The following TUSC3 variants were observed in gnomAD, a reference collection of about 807,000 sequenced individuals.
The protein encoded by TUSC3 is tumor suppressor candidate 3, also known as dolichyl-diphosphooligosaccharide--protein glycosyltransferase subunit TUSC3.
In TUSC3, 45 loss-of-function variants were observed where a neutral mutation model predicts 44.8. The observed-to-expected ratio is 1.00, with a 90% CI of 0.79 to 1.29. The LOEUF is 1.29. Among genes scored for constraint, TUSC3 ranks in the 50% most tolerant of loss-of-function variants. TUSC3 has a pLI of 0.00. For synonymous variants in TUSC3, 212 were observed against 152.9 expected (o/e 1.39, Z -2.85); for missense variants, 519 against 437.9 (o/e 1.19, Z -1.65).
intron 1 of TUSC3, among the ~76,000 whole-genome samples, chr8:15,444,938 T>C (rs563312641): frequency 2.6e-5 from 4 of 152,314 alleles, no homozygotes; most frequent in African/African-American, 9.6e-5. Context: ...GCTGGTGCTG[T>C]GCACTCTACG....
chr8:15,785,625 C>T, the TUSC3 span, among the ~76,000 whole-genome samples: 1 of 152,088 alleles, frequency 6.6e-6, no homozygotes. Context: ...ACTGCAACAC[C>T]TCTCCACTCC....
chr8:15,810,364 A>T, the TUSC3 span, among the ~76,000 whole-genome samples: 25,918 of 152,106 alleles, frequency 0.17, 2,372 homozygotes, highest in Middle Eastern at 0.26. Flanking sequence ...AAGGCCAGGA[A>T]TGGTGGCGTA....
At chr8:15,521,889 G>GTCACT in intron 2 of TUSC3, among the ~76,000 whole-genome samples, 1 of 152,286 alleles carries the variant, frequency 6.6e-6, no homozygotes, top group South Asian at 2.1e-4. Context: ...CTAGCTATTA[G>GTCACT]GTTGGTGCAA....
chr8:15,658,687 T>G (rs1585201478), intron 3 of TUSC3, among the ~76,000 whole-genome samples: 1 of 151,094 alleles, frequency 6.6e-6, no homozygotes, highest in African/African-American at 2.4e-5. Context: ...ACATACAATA[T>G]ATATACACAT....
At chr8:15,629,692 A>G (rs1262501197) in intron 2 of TUSC3, among the ~76,000 whole-genome samples, 1 of 151,558 alleles carries the variant, frequency 6.6e-6, no homozygotes, top group Non-Finnish European at 1.5e-5. Flanking sequence ...GAATTTAAAA[A>G]TCGTAGTACT....
At chr8:15,836,796 G>C in the TUSC3 span, among the ~76,000 whole-genome samples, 1 of 151,950 alleles carries the variant, frequency 6.6e-6, no homozygotes, top group Non-Finnish European at 1.5e-5. Context: ...TAAATGATAT[G>C]CTTTTAATTT....
At chr8:15,497,634 T>C (rs1284970595) in intron 2 of TUSC3, among the ~76,000 whole-genome samples, 1 of 152,206 alleles carries the variant, frequency 6.6e-6, no homozygotes, top group Non-Finnish European at 1.5e-5. Flanking sequence ...AATTATGTTG[T>C]GGAGTTTTGC....
chr8:15,801,727 T>C, the TUSC3 span, among the ~76,000 whole-genome samples: 1 of 152,154 alleles, frequency 6.6e-6, no homozygotes, highest in Non-Finnish European at 1.5e-5. Flanking sequence ...AACGTACCCT[T>C]GCTGGGCTCA....
the TUSC3 span, among the ~76,000 whole-genome samples, chr8:15,833,744 C>T: frequency 2.6e-3 from 395 of 152,026 alleles, 4 homozygotes; most frequent in African/African-American, 9.0e-3. Context: ...GGGTACTAGG[C>T]TTAATACCCG....
Position 15,567,737 on chromosome 8 carries a change from G to A in TUSC3, c.138+27169G>A, listed in dbSNP as rs192884214. Among the ~76,000 whole-genome samples the A allele has an allele frequency of 3.6e-3, 549 of 152,302 alleles. 4 individuals are homozygous for A. The highest frequency in any genetic ancestry group is 6.0e-3 in the Non-Finnish European group (407 of 68,022). ...TACATAGGGACAACTTTTGTAAGTG[G>A]TTGGAATGTAACAAATGGTTTTTGC... On this transcript the variant is annotated intron_variant, in intron 1 of 10. Coordinates refer to ENST00000503731, the MANE Select transcript of TUSC3 (RefSeq NM_006765.4).
chr8:15,763,114 C>T lies in TUSC3; in HGVS notation c.*47-1089C>T, dbSNP rs150061965. Among the ~76,000 whole-genome samples the T allele has an allele frequency of 8.8e-4, 134 of 151,486 alleles. 2 individuals carry two copies. The East Asian group carries it at 0.02, about 23-fold the overall frequency. On this transcript the variant is annotated intron_variant, in intron 10 of 10. Coordinates refer to ENST00000503731, the MANE Select transcript of TUSC3 (RefSeq NM_006765.4). Reference sequence around the variant, plus strand: ...ATTTTAATTGATGTTATATAATATACACTGTATATTATATAATTTAAATAT... The same window carrying T: ...ATTTTAATTGATGTTATATAATATATACTGTATATTATATAATTTAAATAT...
chr8:15,539,869 C>T (rs538214991), upstream of TUSC3, among the ~76,000 whole-genome samples: 3 of 152,040 alleles, frequency 2.0e-5, no homozygotes, highest in Non-Finnish European at 2.9e-5. Flanking sequence ...TCGGGGGACT[C>T]TGGAGTTAGA....
chr8:15,826,540 A>G, the TUSC3 span, among the ~76,000 whole-genome samples: 1 of 152,194 alleles, frequency 6.6e-6, no homozygotes, highest in East Asian at 1.9e-4. Flanking sequence ...TGCACTCAAG[A>G]GTAAATGGTT....
intron 1 of TUSC3, among the ~76,000 whole-genome samples, chr8:15,615,469 A>G (rs1029508671): frequency 3.9e-5 from 6 of 152,204 alleles, no homozygotes; most frequent in African/African-American, 1.4e-4. Flanking sequence ...GAGGATGGGA[A>G]AAGTAGGCAG....
chr8:15,427,667 G>A (rs556027520), intron 1 of TUSC3, among the ~76,000 whole-genome samples: 29 of 138,912 alleles, frequency 2.1e-4, no homozygotes, highest in African/African-American at 7.8e-4. Context: ...ACTTGCCTTG[G>A]TCTCACCTTA....
intron 1 of TUSC3, among the ~76,000 whole-genome samples, chr8:15,605,483 A>G (rs957660310): frequency 6.6e-6 from 1 of 152,008 alleles, no homozygotes; most frequent in East Asian, 1.9e-4. Context: ...CTTGAACAAC[A>G]TGGGTATGAA....
chr8:15,507,049 C>T (rs962927918), intron 2 of TUSC3, among the ~76,000 whole-genome samples: 3 of 152,176 alleles, frequency 2.0e-5, no homozygotes, highest in South Asian at 2.1e-4. Context: ...ATTTTGAAGG[C>T]TCCCATGTAT....
At position 15,745,453 on chromosome 8, in the gene TUSC3, C is replaced by T. The variant is rs150904451; in HGVS notation, c.937+1841C>T. On this transcript the variant is annotated intron_variant, in intron 8 of 10. Coordinates refer to ENST00000503731, the MANE Select transcript of TUSC3 (RefSeq NM_006765.4). Reference sequence around the variant, plus strand: ...GTGCATAAGCATTCCCTTTTCCCCACGACCTCACCGGTATGTGCTTTTTGA... The same window carrying T: ...GTGCATAAGCATTCCCTTTTCCCCATGACCTCACCGGTATGTGCTTTTTGA... 6.2e-4 allele frequency among the ~76,000 whole-genome samples: 95 copies of T among 152,110 alleles called. No individual in the cohort carries two copies. The East Asian group carries it at 0.015, about 24-fold the overall frequency.
At chr8:15,771,849 G>A in the TUSC3 span, among the ~76,000 whole-genome samples, 1 of 152,158 alleles carries the variant, frequency 6.6e-6, no homozygotes, top group African/African-American at 2.4e-5. Context: ...AGCACTTTGG[G>A]AGGCCGAGAC....
Sources: allele counts gnomAD v4.1 joint callset (sites outside exome capture counted in the v4.1 genomes callset), GRCh38; gene constraint gnomAD v4.1.1; transcripts MANE v1.5; gene names NCBI Gene and HGNC (gene_info 2026-07-23, HGNC 2026-07-21).